IZUMO3: variants seen among roughly 807,000 people sequenced by gnomAD.
The protein encoded by IZUMO3 is IZUMO family member 3.
In IZUMO3, 36 loss-of-function variants were observed where a neutral mutation model predicts 28.4. That is an observed-to-expected ratio of 1.27 (90% confidence interval 0.97 to 1.67). IZUMO3 has a LOEUF of 1.67. Ranked by LOEUF, IZUMO3 falls within the 40% of genes most tolerant of loss-of-function variation. IZUMO3 has a pLI of 0.00. For missense variants in IZUMO3, 387 were observed against 278.5 expected, an observed-to-expected ratio of 1.39 and a Z score of -2.77; for synonymous variants, 126 against 99.2, an observed-to-expected ratio of 1.27 and a Z score of -1.61.
chr9:24,545,872 A>C lies in IZUMO3; in HGVS notation c.-223T>G, dbSNP rs1819582743. The C allele has an allele frequency of 1.3e-6, 2 of 1,510,040 alleles. No homozygotes were observed. The highest frequency in any genetic ancestry group is 1.8e-6 in the Non-Finnish European group (2 of 1,122,342). 93.5% of individuals were successfully genotyped at this position (1,510,040 alleles called of 1,614,324 possible). On this transcript the variant is annotated 5_prime_UTR_variant, in exon 1 of 7. Transcript: ENST00000543880. ...CTTCATTCTAGGAGAGGGAACTGCCAGCTGGGGAGCGGATACCTGAGTTCT... is the reference window on the plus strand; with the variant it reads ...CTTCATTCTAGGAGAGGGAACTGCCCGCTGGGGAGCGGATACCTGAGTTCT...
chr9:24,543,290 A>G lies in IZUMO3; in HGVS notation c.659T>C (p.Leu220Pro). 5 of 1,548,858 alleles carry G rather than the reference A, an allele frequency of 3.2e-6. No individual in the cohort carries two copies. The highest frequency in any genetic ancestry group is 2.7e-5 in the African/African-American group (2 of 73,018). The change falls in exon 7 of 7, where the codon CTT (leucine) becomes CCT (proline). Residue 220 changes from leucine to proline, a missense_variant. Physicochemically the swap from Leu to Pro is moderately conservative, Grantham distance 98 (BLOSUM62 -3). Coordinates refer to ENST00000543880, the MANE Select transcript of IZUMO3 (RefSeq NM_001365008.2). The part of the protein sequence containing the change: ...RSLKEYVEKK[L>P]EELMGKIDEK... The stretch of plus-strand genomic sequence containing the variant: ...ATCTATCTTCCCCATTAATTCTTCA[A>G]GTTTCTTCTCCACATATTCCTTTAG...
chr9:24,544,538 C>T (rs1237520773), intron 4 of IZUMO3, among the ~76,000 whole-genome samples: 1 of 152,088 alleles, frequency 6.6e-6, no homozygotes, highest in Non-Finnish European at 1.5e-5. Flanking sequence ...GTTAGAAGGC[C>T]TCCTAGTACC....
At chr9:24,544,722 C>T (rs200640287) in intron 4 of IZUMO3, 21 bp downstream of exon 4, 64 of 1,548,048 alleles carry the variant, frequency 4.1e-5, no homozygotes, top group Non-Finnish European at 5.0e-5. Flanking sequence ...AACCTCAAGG[C>T]GTCACATGTA....
Position 24,545,071 on chromosome 9 carries a change from A to C in IZUMO3, c.302-10T>G. 6.5e-7 allele frequency: 1 copy of C among 1,530,818 alleles called. No homozygotes were observed. The highest frequency in any genetic ancestry group is 8.9e-7 in the Non-Finnish European group (1 of 1,128,902). The allele number at this position is 1,530,818 out of a possible 1,614,324, so 94.8% of individuals were successfully genotyped here. A position where few individuals can be genotyped will look rare whatever the true frequency, so the allele number is the denominator to read the frequency against. On this transcript the variant is annotated splice_polypyrimidine_tract_variant and intron_variant, in intron 2 of 6. Coordinates refer to ENST00000543880, the MANE Select transcript of IZUMO3 (RefSeq NM_001365008.2). The stretch of plus-strand genomic sequence containing the variant: ...TGATAGATAAAGACACCTAAGAGGG[A>C]GTGGAAGGGGTGTCAAAAAATAGAA...
rs761723855 is a variant in IZUMO3, at chr9:24,543,649, A to G, written c.581+15T>C. 144 of 1,509,988 alleles carry G rather than the reference A, an allele frequency of 9.5e-5. No homozygotes were observed. Among genetic ancestry groups the G allele is most frequent in the Non-Finnish European group, 1.3e-4 (141 of 1,111,046 alleles). The allele number at this position is 1,509,988 out of a possible 1,614,324, so 93.5% of individuals were successfully genotyped here. ...AATATTTGACCCAGTGTTTATTTGG[A>G]GAGAAGAAACTCACAGTAACACAGC... On this transcript the variant is annotated intron_variant, in intron 6 of 6. Transcript: ENST00000543880.
chr9:24,544,348 C>A, intron 4 of IZUMO3, 67 bp from the exon 5 acceptor site: 1 of 1,093,732 alleles, frequency 9.1e-7, no homozygotes, highest in South Asian at 1.3e-5. Flanking sequence ...AGTCATACAT[C>A]AAGTGTGGAG....
chr9:24,543,546 C>A (rs1418574986), intron 6 of IZUMO3, 118 bp downstream of exon 6: 1 of 805,086 alleles, frequency 1.2e-6, no homozygotes, highest in African/African-American at 1.9e-5. Context: ...CTTTCAGTAT[C>A]CCAGAATTTA....
At chr9:24,545,130 T>C (rs961941079) in intron 2 of IZUMO3, 69 bp from the exon 3 acceptor site, 15 of 1,487,264 alleles carry the variant, frequency 1.0e-5, no homozygotes, top group Middle Eastern at 1.7e-4. Flanking sequence ...ATTATGTCTG[T>C]TTTTATCTTT....
At chr9:24,544,625 C>G (rs1415351369) in intron 4 of IZUMO3, 118 bp downstream of exon 4, 9 of 877,166 alleles carry the variant, frequency 1.0e-5, no homozygotes, top group Non-Finnish European at 1.4e-5. Flanking sequence ...CCCCTTGTAA[C>G]CACAGCTCTA....
intron 3 of IZUMO3, 69 bp from the exon 4 acceptor site, chr9:24,544,829 AGTCTTTGTT>A (rs1819548088): frequency 6.8e-7 from 1 of 1,466,188 alleles, no homozygotes; most frequent in South Asian, 1.2e-5. Flanking sequence ...ATACCCAAGT[AGTCTTTGTT>A]TACCCTTTAA....
intron 5 of IZUMO3, 54 bp downstream of exon 5, chr9:24,544,147 A>T (rs564183249): frequency 8.2e-7 from 1 of 1,216,828 alleles, no homozygotes; most frequent in African/African-American, 1.5e-5. Flanking sequence ...TCAGTGAGCA[A>T]CCCTGCTCCT....
In IZUMO3 at chr9:24,545,777, T is replaced by A; in HGVS notation, c.-128A>T. On this transcript the variant is annotated 5_prime_UTR_variant, in exon 1 of 7. Transcript: ENST00000543880. The stretch of plus-strand genomic sequence containing the variant: ...AGTCTGACTCCACTTTTCCCGCTGT[T>A]TCCATCCCACTATCGGGCAATCTTT... The A allele has an allele frequency of 6.5e-7, 1 of 1,536,864 alleles. No homozygotes were observed. The highest frequency in any genetic ancestry group is 8.8e-7 in the Non-Finnish European group (1 of 1,141,546).
rs1215586106 is a variant in IZUMO3, at chr9:24,544,211, T to A, written c.480A>T (p.Glu160Asp). Reference sequence around the variant, plus strand: ...CATGATCTTTGTTACCTCCACAATATTCTCCTTTGAAGCACCTGTTAGTCA... The same window carrying A: ...CATGATCTTTGTTACCTCCACAATAATCTCCTTTGAAGCACCTGTTAGTCA... ...LRMTNRCFKG[E>D]YCGDEDPRKA... is the part of the protein sequence containing the mutation. The change falls in exon 5 of 7, where the codon GAA (glutamate) becomes GAT (aspartate). Residue 160 changes from glutamate to aspartate, a missense_variant. Glu to Asp is a conservative substitution (Grantham distance 45). Transcript: ENST00000543880. 1.9e-6 allele frequency: 3 copies of A among 1,548,636 alleles called. No homozygotes were observed. Among genetic ancestry groups the A allele is most frequent in the Non-Finnish European group, 2.6e-6 (3 of 1,145,290 alleles).
At position 24,545,635 on chromosome 9, in the gene IZUMO3, C is replaced by T; in HGVS notation, c.15G>A (p.Trp5Ter). The change falls in exon 1 of 7, where the codon TGG (tryptophan) becomes TGA (stop). Residue 5 changes from tryptophan (W) to a stop codon, truncating the protein, a stop_gained. Transcript: ENST00000543880. LOFTEE classifies it high-confidence loss of function. ...CTGAGAGGGGCAGGAGCAGGAATAA[C>T]CACAGGTCACCCATTTCTTTCTTCA... MGDL[W>*]LFLLLPLSAF... 1 of 1,535,186 alleles carries T rather than the reference C, an allele frequency of 6.5e-7. No homozygotes were observed. Among genetic ancestry groups the T allele is most frequent in the Non-Finnish European group, 8.7e-7 (1 of 1,146,656 alleles).
chr9:24,543,744 T>G lies in IZUMO3; in HGVS notation c.501A>C (p.Pro167=), dbSNP rs1819516526. The G allele has an allele frequency of 6.5e-7, 1 of 1,547,492 alleles. No homozygotes were observed. Among genetic ancestry groups the G allele is most frequent in the Non-Finnish European group, 8.7e-7 (1 of 1,144,516 alleles). ...CAATCTCTCGATTCTCAGCCTTTCT[T>G]GGATCCTCGTCTGGAAGGAGAAACA... is the stretch of plus-strand genomic sequence containing the variant. ...FKGEYCGDED[P]RKAENREIAL... Residue 167 remains proline, a synonymous_variant, in exon 6 of 7, where the codon CCA becomes CCC. Transcript: ENST00000543880.
chr9:24,544,384 C>T, intron 4 of IZUMO3, 103 bp from the exon 5 acceptor site: 1 of 843,058 alleles, frequency 1.2e-6, no homozygotes, highest in East Asian at 2.6e-5. Context: ...ATTCCCAGGA[C>T]TCTCAAGTTT....
In IZUMO3 at chr9:24,544,971, C is replaced by A. The variant is rs367775753; in HGVS notation, c.391+1G>T. 2.5e-5 allele frequency: 39 copies of A among 1,545,024 alleles called. No homozygotes were observed. In the East Asian group the frequency reaches 4.4e-4, roughly 17 times the overall value. On this transcript the variant is annotated splice_donor_variant, in intron 3 of 6. Transcript: ENST00000543880. LOFTEE classifies it high-confidence loss of function. ...GCTGTTATATAGAAAGTTTTACTTA[C>A]CAATTTCAGAGAAGTTCTTTAGTAA...
intron 4 of IZUMO3, 67 bp downstream of exon 4, chr9:24,544,676 C>T: frequency 7.3e-7 from 1 of 1,370,794 alleles, no homozygotes; most frequent in South Asian, 1.2e-5. Context: ...GAGATAGGGC[C>T]ATATAGAGCA....
chr9:24,544,869 C>A, intron 3 of IZUMO3, 103 bp downstream of exon 3: 1 of 1,325,542 alleles, frequency 7.5e-7, no homozygotes. Context: ...CCTCTCCACC[C>A]ATTCTAAATA....
Sources: gnomAD v4.1 joint callset for allele counts (sites outside exome capture counted in the v4.1 genomes callset) on GRCh38, gnomAD v4.1.1 for gene constraint, MANE v1.5 for transcripts, NCBI Gene and HGNC (gene_info 2026-07-23, HGNC 2026-07-21) for gene names.